The following DAGLB variants were observed in gnomAD, a reference collection of about 807,000 sequenced individuals.
DAGLB encodes diacylglycerol lipase beta, also known as diacylglycerol lipase-beta.
DAGLB carries 66 observed loss-of-function variants against 72.1 expected under a neutral mutation model. The observed-to-expected ratio is 0.92, with a 90% CI of 0.75 to 1.12. The LOEUF (loss-of-function observed/expected upper bound fraction) is 1.12, where lower values mean the gene tolerates loss of function less well. Ranked by LOEUF, DAGLB falls within the 50% of genes most tolerant of loss-of-function variation. DAGLB has a pLI of 0.00. For missense variants in DAGLB, 1,065 were observed against 884.9 expected, an observed-to-expected ratio of 1.20 and a Z score of -2.58; for synonymous variants, 414 against 359.5, an observed-to-expected ratio of 1.15 and a Z score of -1.71.
At chr7:6,445,810 G>T in intron 2 of DAGLB, 143 bp downstream of exon 2, 1 of 922,286 alleles carries the variant, frequency 1.1e-6, no homozygotes, top group Non-Finnish European at 1.6e-6. Context: ...TAAACTTGAT[G>T]ATGGTGATGG....
At position 6,446,011 on chromosome 7, in the gene DAGLB, C is replaced by T. The variant is rs1435326736; in HGVS notation, c.189G>A (p.Met63Ile). 5 of 1,613,514 alleles carry T rather than the reference C, an allele frequency of 3.1e-6. No individual in the cohort carries two copies. Among genetic ancestry groups the T allele is most frequent in the Non-Finnish European group, 4.2e-6 (5 of 1,179,888 alleles). ...TACATATGACAACTGCCAGGAGAAT[C>T]ATGAGGACGATCAAGTAACTGCTGA... ...ALLSSYLIVLMILLAVVICTV... is the reference protein window; with the variant it reads ...ALLSSYLIVLIILLAVVICTV... The change falls in exon 2 of 15, where the codon ATG becomes ATA. Residue 63 changes from methionine (M) to isoleucine (I), a missense_variant. Physicochemically the swap from Met to Ile is conservative, Grantham distance 10. Transcript: ENST00000297056.
chr7:6,428,295 A>G (rs1355146491), intron 6 of DAGLB, among the ~76,000 whole-genome samples: 2 of 134,878 alleles, frequency 1.5e-5, no homozygotes, highest in Non-Finnish European at 3.1e-5. Flanking sequence ...GCAGTGAGCC[A>G]GGATCCTGAG....
intron 8 of DAGLB, chr7:6,422,400 T>C (rs955154551): frequency 9.3e-6 from 2 of 215,216 alleles, no homozygotes; most frequent in African/African-American, 4.6e-5. Context: ...ACCAGCCATA[T>C]TTGAAAAGGT....
chr7:6,419,004 G>A (rs898522885), intron 9 of DAGLB, among the ~76,000 whole-genome samples: 2 of 151,076 alleles, frequency 1.3e-5, no homozygotes, highest in East Asian at 2.0e-4. Flanking sequence ...TCTACAAGTA[G>A]AATGCTGAAC....
At chr7:6,434,646 C>T in intron 4 of DAGLB, 116 bp downstream of exon 4, 1 of 1,523,732 alleles carries the variant, frequency 6.6e-7, no homozygotes, top group Non-Finnish European at 8.9e-7. Context: ...CCACCCCCCA[C>T]ACACCCAAAG....
In DAGLB at chr7:6,420,387, C is replaced by G. The variant is rs185828780; in HGVS notation, c.1218+1340G>C. Reference sequence around the variant, plus strand: ...CCTGGGAGGCAGAGGTTGCAGTGAGCTGAGATGGCACCACTGCACTCCAGC... The same window carrying G: ...CCTGGGAGGCAGAGGTTGCAGTGAGGTGAGATGGCACCACTGCACTCCAGC... On this transcript the variant is annotated intron_variant, in intron 9 of 14. Transcript: ENST00000297056. Among the ~76,000 whole-genome samples, 319 of 151,300 alleles carry G rather than the reference C, an allele frequency of 2.1e-3. 2 individuals carry two copies. The highest frequency in any genetic ancestry group is 7.3e-3 in the African/African-American group (300 of 41,086).
At chr7:6,443,418 C>A (rs1029851538) in intron 2 of DAGLB, among the ~76,000 whole-genome samples, 1 of 152,104 alleles carries the variant, frequency 6.6e-6, no homozygotes, top group Non-Finnish European at 1.5e-5. Flanking sequence ...TACGCCATTG[C>A]AGTCCAGCCC....
rs771458012 is a variant in DAGLB at position 6,416,898 on chromosome 7, G to C, written c.1242C>G (p.Tyr414Ter). 1.9e-6 allele frequency: 3 copies of C among 1,614,068 alleles called. No individual in the cohort carries two copies. Among genetic ancestry groups the C allele is most frequent in the African/African-American group, 2.7e-5 (2 of 74,938 alleles). ...AHKGISQAARYVYQRLINDGI... is the reference protein window; with the variant it reads ...AHKGISQAAR Reference sequence around the variant, plus strand: ...CGTCGTTGATGAGTCGTTGGTAAACGTATCTGGCAGCTTGAGAAATACCCT... The same window carrying C: ...CGTCGTTGATGAGTCGTTGGTAAACCTATCTGGCAGCTTGAGAAATACCCT... Residue 414 changes from tyrosine (Y) to a stop codon, truncating the protein, a stop_gained, in exon 10 of 15, where the codon TAC (tyrosine) becomes TAG (stop). Transcript: ENST00000297056. LOFTEE classifies it high-confidence loss of function.
At chr7:6,414,960 G>C (rs1305052768) in intron 11 of DAGLB, among the ~76,000 whole-genome samples, 1 of 152,056 alleles carries the variant, frequency 6.6e-6, no homozygotes, top group Non-Finnish European at 1.5e-5. Flanking sequence ...CTTGAGCCCA[G>C]GAGTTCAAGA....
At chr7:6,443,942 C>A (rs1185628363) in intron 2 of DAGLB, among the ~76,000 whole-genome samples, 1 of 152,112 alleles carries the variant, frequency 6.6e-6, no homozygotes, top group Non-Finnish European at 1.5e-5. Context: ...AAATGGTTAT[C>A]TACAGAAAAC....
intron 11 of DAGLB, among the ~76,000 whole-genome samples, chr7:6,413,768 C>A (rs1208838229): frequency 6.6e-6 from 1 of 152,226 alleles, no homozygotes. Flanking sequence ...CAGCTCCCAA[C>A]AACGAGTCAC....
intron 7 of DAGLB, 37 bp downstream of exon 7, chr7:6,425,951 A>T: frequency 6.2e-7 from 1 of 1,610,144 alleles, no homozygotes; most frequent in Non-Finnish European, 8.5e-7. Context: ...TCCAGGACCC[A>T]AAAGAAGTGA....
At chr7:6,416,314 C>T (rs140189466) in intron 11 of DAGLB, 5,066 of 215,346 alleles carry the variant, frequency 0.024, 101 homozygotes, top group Middle Eastern at 0.042. Context: ...GAGGCCGAGG[C>T]GGGCAGATCA....
intron 14 of DAGLB, 46 bp downstream of exon 14, chr7:6,410,084 C>G (rs954203348): frequency 6.3e-7 from 1 of 1,586,246 alleles, no homozygotes; most frequent in African/African-American, 1.3e-5. Context: ...AGGGCTGACC[C>G]CGCGCTGCTC....
chr7:6,447,853 C>A lies in DAGLB; in HGVS notation c.-11G>T. ...TACCATCCCCGGCATGGCGAAGGTC[C>A]CGTAGCTCGCACTCAGGAGAGACCC... is the stretch of plus-strand genomic sequence containing the variant. On this transcript the variant is annotated 5_prime_UTR_variant, in exon 1 of 15. Coordinates refer to ENST00000297056, the MANE Select transcript of DAGLB (RefSeq NM_139179.4). 6.2e-7 allele frequency: 1 copy of A among 1,606,188 alleles called. No homozygotes were observed. The highest frequency in any genetic ancestry group is 8.5e-7 in the Non-Finnish European group (1 of 1,177,034).
chr7:6,432,211 G>A (rs760304004), intron 5 of DAGLB, among the ~76,000 whole-genome samples: 23 of 152,118 alleles, frequency 1.5e-4, no homozygotes, highest in Admixed American at 4.6e-4. Flanking sequence ...AATTAGCTGA[G>A]TGTGATGGTA....
At chr7:6,433,814 T>G (rs572258213) in intron 4 of DAGLB, among the ~76,000 whole-genome samples, 51 of 147,872 alleles carry the variant, frequency 3.4e-4, no homozygotes, top group Admixed American at 1.1e-3. Flanking sequence ...ATGGCGCCAC[T>G]GCACTCCAGC....
chr7:6,416,485 G>A (rs766941975), intron 11 of DAGLB, 142 bp downstream of exon 11: 5 of 1,273,040 alleles, frequency 3.9e-6, no homozygotes, highest in African/African-American at 3.0e-5. Flanking sequence ...GGAGCTTGCA[G>A]TGAGCCGAGA....
chr7:6,426,208 C>T (rs1222757083), intron 6 of DAGLB, 94 bp from the exon 7 acceptor site: 5 of 1,556,398 alleles, frequency 3.2e-6, no homozygotes, highest in Non-Finnish European at 4.4e-6. Context: ...GACGCGAGGA[C>T]CAGAGCGGAC....
Sources: gnomAD v4.1 joint callset for allele counts (sites outside exome capture counted in the v4.1 genomes callset) on GRCh38, gnomAD v4.1.1 for gene constraint, MANE v1.5 for transcripts, NCBI Gene and HGNC (gene_info 2026-07-23, HGNC 2026-07-21) for gene names.